The following GRID2 variants were observed in gnomAD, a reference collection of about 807,000 sequenced individuals.
The protein encoded by GRID2 is glutamate receptor ionotropic, delta-2.
A neutral mutation model predicts 114.8 loss-of-function variants in GRID2; 33 were observed. The observed-to-expected ratio is 0.29, with a 90% CI of 0.22 to 0.38. The LOEUF is 0.38. GRID2 is among the 10% of genes least tolerant of loss of function. The probability of loss-of-function intolerance (pLI) is 1.00; values close to 1 mark genes in which losing one functional copy is unlikely to be tolerated. For missense variants in GRID2, 1,184 were observed against 1,257.7 expected, an observed-to-expected ratio of 0.94 and a Z score of 0.89; for synonymous variants, 505 against 449.9, an observed-to-expected ratio of 1.12 and a Z score of -1.55.
At chr4:92,821,805 C>A (rs974078565) in intron 2 of GRID2, among the ~76,000 whole-genome samples, 4 of 152,156 alleles carry the variant, frequency 2.6e-5, no homozygotes, top group African/African-American at 9.7e-5. Context: ...TGTCCTCAAG[C>A]TAAGCAGTCC....
intron 2 of GRID2, among the ~76,000 whole-genome samples, chr4:92,833,483 A>G (rs1742254759): frequency 6.6e-6 from 1 of 152,194 alleles, no homozygotes; most frequent in Non-Finnish European, 1.5e-5. Context: ...CTCAGGAATG[A>G]CACTTGATGA....
chr4:92,931,226 T>C (rs758424410), intron 2 of GRID2, among the ~76,000 whole-genome samples: 36 of 150,910 alleles, frequency 2.4e-4, no homozygotes, highest in Non-Finnish European at 4.9e-4. Context: ...TAATTCACCA[T>C]ATTAATAGAA....
intron 13 of GRID2, among the ~76,000 whole-genome samples, chr4:93,590,877 A>G (rs1442919355): frequency 6.7e-6 from 1 of 149,666 alleles, no homozygotes; most frequent in Non-Finnish European, 1.5e-5. Context: ...GGTGTATAGG[A>G]ATGCTTGTGA....
At chr4:93,260,024 T>G (rs1237255334) in intron 8 of GRID2, among the ~76,000 whole-genome samples, 1 of 151,786 alleles carries the variant, frequency 6.6e-6, no homozygotes, top group African/African-American at 2.4e-5. Context: ...TAAATTAGTA[T>G]TTTACGTAGG....
At chr4:92,453,949 T>C (rs1721077246) in intron 1 of GRID2, among the ~76,000 whole-genome samples, 1 of 152,174 alleles carries the variant, frequency 6.6e-6, no homozygotes, top group Admixed American at 6.5e-5. Context: ...CAAAACTGAA[T>C]ATGATTGCAA....
In GRID2 at chr4:93,699,073, C is replaced by T. The variant is rs557595874; in HGVS notation, c.2361-70137C>T. The stretch of plus-strand genomic sequence containing the variant: ...GTCCTATAATTAGCTTCAACTCTTA[C>T]ACCTCCTCAACATCTGTTGCTGTTA... On this transcript the variant is annotated intron_variant, in intron 14 of 15. Transcript: ENST00000282020. 1.7e-4 allele frequency among the ~76,000 whole-genome samples: 26 copies of T among 152,218 alleles called. No homozygotes were observed. The East Asian group carries it at 5.0e-3, about 29-fold the overall frequency.
intron 2 of GRID2, among the ~76,000 whole-genome samples, chr4:92,839,259 G>A (rs955701310): frequency 4.6e-5 from 7 of 151,528 alleles, no homozygotes; most frequent in Admixed American, 1.3e-4. Flanking sequence ...CATACTGTGT[G>A]TTGTAAGAGT....
chr4:92,418,730 A>AC (rs1731744931), intron 1 of GRID2, among the ~76,000 whole-genome samples: 1 of 151,892 alleles, frequency 6.6e-6, no homozygotes, highest in African/African-American at 2.4e-5. Flanking sequence ...CTCCTTCCAC[A>AC]CCCCCCTAAA....
chr4:92,588,167 T>G (rs1728539748), intron 1 of GRID2, among the ~76,000 whole-genome samples: 1 of 152,158 alleles, frequency 6.6e-6, no homozygotes, highest in African/African-American at 2.4e-5. Flanking sequence ...ATTAAAATAA[T>G]TCTTATGAAA....
chr4:92,381,745 C>T (rs1043423173), intron 1 of GRID2, among the ~76,000 whole-genome samples: 2 of 151,960 alleles, frequency 1.3e-5, no homozygotes, highest in African/African-American at 4.8e-5. Flanking sequence ...AGTGAATTGA[C>T]TTTGAAATCT....
At chr4:93,651,855 A>G (rs1722607601) in intron 14 of GRID2, among the ~76,000 whole-genome samples, 1 of 152,154 alleles carries the variant, frequency 6.6e-6, no homozygotes, top group African/African-American at 2.4e-5. Flanking sequence ...GCTTTGAACT[A>G]TACACAACCC....
chr4:92,937,293 TC>T (rs1339763631), intron 2 of GRID2, among the ~76,000 whole-genome samples: 1 of 146,920 alleles, frequency 6.8e-6, no homozygotes, highest in Non-Finnish European at 1.5e-5. Flanking sequence ...TTTTCCGCAT[TC>T]TTTCTTCTAA....
intron 7 of GRID2, among the ~76,000 whole-genome samples, chr4:93,227,400 TG>T (rs1745615673): frequency 6.6e-6 from 1 of 152,054 alleles, no homozygotes; most frequent in African/African-American, 2.4e-5. Flanking sequence ...GCTAATTTTT[TG>T]TATTTTTAGT....
At chr4:92,687,649 G>A (rs1432465379) in intron 2 of GRID2, among the ~76,000 whole-genome samples, 1 of 152,074 alleles carries the variant, frequency 6.6e-6, no homozygotes, top group Non-Finnish European at 1.5e-5. Context: ...CTAACACGGT[G>A]AAACCCCATC....
In GRID2 at chr4:93,768,353, A is replaced by G. The variant is rs192401523; in HGVS notation, c.2361-857A>G. Among the ~76,000 whole-genome samples, 36 of 152,316 alleles carry G rather than the reference A, an allele frequency of 2.4e-4. 1 individual carries two copies. The highest frequency in any genetic ancestry group is 1.2e-3 in the Admixed American group (19 of 15,302). The stretch of plus-strand genomic sequence containing the variant: ...AAGGGCATAGCTGGAGGAGGGCCAC[A>G]TCTAGGCTGGCCTCAGGTAGAGCCT... On this transcript the variant is annotated intron_variant, in intron 14 of 15. Transcript: ENST00000282020.
intron 14 of GRID2, among the ~76,000 whole-genome samples, chr4:93,680,143 T>C (rs1315698585): frequency 2.6e-5 from 4 of 151,764 alleles, no homozygotes; most frequent in African/African-American, 4.9e-5. Context: ...GAGAATACTA[T>C]AAACACCTCT....
chr4:92,922,389 C>T (rs575676195), intron 2 of GRID2, among the ~76,000 whole-genome samples: 40 of 152,178 alleles, frequency 2.6e-4, no homozygotes, highest in African/African-American at 9.6e-4. Context: ...GTGAGATGAA[C>T]CCAGTACCTC....
chr4:92,638,789 T>A (rs1322892041), intron 2 of GRID2, among the ~76,000 whole-genome samples: 1 of 150,984 alleles, frequency 6.6e-6, no homozygotes, highest in African/African-American at 2.4e-5. Context: ...ATATTAAAAA[T>A]TTTAATATTT....
At position 92,334,967 on chromosome 4, in the gene GRID2, C is replaced by T. The variant is rs150734050; in HGVS notation, c.88+30223C>T. 2.0e-5 allele frequency among the ~76,000 whole-genome samples: 3 copies of T among 152,274 alleles called. No individual in the cohort carries two copies. In the East Asian group the frequency reaches 5.8e-4, roughly 29 times the overall value. ...CCTCTAGAGTTTTCATTATACGAGCCAATAATTTTCTGTTCAAAGTTGATT... is the reference window on the plus strand; with the variant it reads ...CCTCTAGAGTTTTCATTATACGAGCTAATAATTTTCTGTTCAAAGTTGATT... On this transcript the variant is annotated intron_variant, in intron 1 of 15. Transcript: ENST00000282020.
Sources: allele counts gnomAD v4.1 joint callset (sites outside exome capture counted in the v4.1 genomes callset), GRCh38; gene constraint gnomAD v4.1.1; transcripts MANE v1.5; gene names NCBI Gene and HGNC (gene_info 2026-07-23, HGNC 2026-07-21).